The following CACNA2D3 variants were observed in gnomAD, a reference collection of about 807,000 sequenced individuals.
CACNA2D3 encodes the protein calcium voltage-gated channel auxiliary subunit alpha2delta 3.
Under a neutral mutation model 160.6 loss-of-function variants are expected in CACNA2D3, and 60 were observed. The observed-to-expected ratio is 0.37, with a 90% confidence interval of 0.30 to 0.46. CACNA2D3 has a LOEUF of 0.46. CACNA2D3 is among the 20% of genes least tolerant of loss of function. The pLI is 1.00. For missense variants in CACNA2D3, 1,205 were observed against 1,365.0 expected (o/e 0.88, Z 1.85); for synonymous variants, 558 against 492.9 (o/e 1.13, Z -1.75).
intron 11 of CACNA2D3, among the ~76,000 whole-genome samples, chr3:54,728,257 T>C (rs1181675360): frequency 6.6e-6 from 1 of 152,172 alleles, no homozygotes. Context: ...TATTTTTTGC[T>C]TCTTCTTTGT....
chr3:54,227,222 A>G (rs913444006), intron 2 of CACNA2D3, among the ~76,000 whole-genome samples: 10 of 152,104 alleles, frequency 6.6e-5, no homozygotes, highest in Non-Finnish European at 1.2e-4. Flanking sequence ...TGTAGGGGCT[A>G]TGTTTTCACG....
At chr3:54,551,503 C>T (rs1359479489) in intron 5 of CACNA2D3, among the ~76,000 whole-genome samples, 1 of 152,088 alleles carries the variant, frequency 6.6e-6, no homozygotes, top group Non-Finnish European at 1.5e-5. Context: ...AGGGAACAAT[C>T]AGACGATGTA....
In CACNA2D3 at chr3:54,807,145, C is replaced by G. The variant is rs575980922; in HGVS notation, c.1381-9708C>G. Among the ~76,000 whole-genome samples, 19 of 152,276 alleles carry G rather than the reference C, an allele frequency of 1.2e-4. No individual in the cohort carries two copies. The East Asian group carries it at 3.7e-3, about 29-fold the overall frequency. On this transcript the variant is annotated intron_variant, in intron 13 of 37. Transcript: ENST00000474759. ...TTACCATTCAGGACATAGGCATGGG[C>G]AAGGACTTCATGTCTAAGACACCAA... is the stretch of plus-strand genomic sequence containing the variant.
At chr3:54,850,642 A>T (rs930352280) in intron 17 of CACNA2D3, among the ~76,000 whole-genome samples, 6 of 152,194 alleles carry the variant, frequency 3.9e-5, no homozygotes, top group Non-Finnish European at 8.8e-5. Context: ...GAGGTCTGGA[A>T]TGTGGACCTG....
At chr3:54,273,589 G>T (rs530417500) in intron 2 of CACNA2D3, among the ~76,000 whole-genome samples, 1 of 152,114 alleles carries the variant, frequency 6.6e-6, no homozygotes, top group Non-Finnish European at 1.5e-5. Flanking sequence ...AGACTTAGAC[G>T]CTGTCTGAAG....
rs150989833 is a variant in CACNA2D3 at position 54,511,952 on chromosome 3, C to G, written c.544+8298C>G. Among the ~76,000 whole-genome samples the G allele has an allele frequency of 7.6e-3, 1,153 of 152,314 alleles. 11 individuals carry two copies. Among genetic ancestry groups the G allele is most frequent in the African/African-American group, 0.025 (1,048 of 41,566 alleles). On this transcript the variant is annotated intron_variant, in intron 5 of 37. Transcript: ENST00000474759. ...AGCACCGTGAAAATTGCAGCAGCAA[C>G]TGTTGCAGCCTGTGGTGGCAGTCAA...
chr3:54,963,907 C>A (rs1452892169), intron 27 of CACNA2D3, among the ~76,000 whole-genome samples: 2 of 152,154 alleles, frequency 1.3e-5, no homozygotes, highest in African/African-American at 4.8e-5. Flanking sequence ...AAGAGGAAGT[C>A]TGGAAGGAAG....
chr3:55,011,663 T>TA (rs1703214294), intron 34 of CACNA2D3, among the ~76,000 whole-genome samples: 1 of 151,916 alleles, frequency 6.6e-6, no homozygotes, highest in South Asian at 2.1e-4. Context: ...AGGAAGGAGA[T>TA]ATGGAGCTAA....
intron 4 of CACNA2D3, among the ~76,000 whole-genome samples, chr3:54,410,074 G>T (rs535482983): frequency 6.6e-6 from 1 of 152,258 alleles, no homozygotes; most frequent in African/African-American, 2.4e-5. Flanking sequence ...AAGTCGGCTG[G>T]GTGTGGTGGC....
intron 9 of CACNA2D3, among the ~76,000 whole-genome samples, chr3:54,590,689 C>T (rs1352857343): frequency 1.3e-5 from 2 of 151,934 alleles, no homozygotes; most frequent in Non-Finnish European, 2.9e-5. Flanking sequence ...TCAAGTGATC[C>T]TGCTGTCTCC....
At chr3:54,561,082 AT>A (rs1256996021) in intron 5 of CACNA2D3, among the ~76,000 whole-genome samples, 1 of 152,206 alleles carries the variant, frequency 6.6e-6, no homozygotes, top group African/African-American at 2.4e-5. Context: ...TTTCATATGA[AT>A]TTAAAAATAG....
At chr3:55,068,809 C>T (rs1291188906) in intron 35 of CACNA2D3, among the ~76,000 whole-genome samples, 3 of 152,090 alleles carry the variant, frequency 2.0e-5, no homozygotes, top group Non-Finnish European at 4.4e-5. Context: ...GTGAACGTTG[C>T]TACCAAGAGC....
intron 27 of CACNA2D3, among the ~76,000 whole-genome samples, chr3:54,936,038 C>T (rs976375737): frequency 6.6e-6 from 1 of 152,126 alleles, no homozygotes; most frequent in Admixed American, 6.5e-5. Context: ...CCAACATTTA[C>T]TGGCTGTGTG....
chr3:54,262,977 G>A (rs962780122), intron 2 of CACNA2D3, among the ~76,000 whole-genome samples: 3 of 152,100 alleles, frequency 2.0e-5, no homozygotes, highest in South Asian at 2.1e-4. Flanking sequence ...GGCTCTTGTT[G>A]ATTCCCCTCC....
chr3:54,588,365 C>T (rs575924214), intron 9 of CACNA2D3, among the ~76,000 whole-genome samples: 2 of 152,162 alleles, frequency 1.3e-5, no homozygotes, highest in African/African-American at 2.4e-5. Context: ...TAACATCAAA[C>T]TTAACAGGGA....
In CACNA2D3 at chr3:54,401,923, A is replaced by G. The variant is rs537318347; in HGVS notation, c.381+15149A>G. On this transcript the variant is annotated intron_variant, in intron 4 of 37. Coordinates refer to ENST00000474759, the MANE Select transcript of CACNA2D3 (RefSeq NM_018398.3). The stretch of plus-strand genomic sequence containing the variant: ...GTCAAAAGTCAAAACAGTCAAAAAT[A>G]ATGATAGCTACCATTAATTAAGAAA... Among the ~76,000 whole-genome samples the G allele has an allele frequency of 2.6e-5, 4 of 152,340 alleles. No individual in the cohort carries two copies. The East Asian group carries it at 7.7e-4, about 29-fold the overall frequency.
rs142158244 is a variant in CACNA2D3, at chr3:54,571,365, G to A, written c.888+1261G>A. Among the ~76,000 whole-genome samples, 1,248 of 152,188 alleles carry A rather than the reference G, an allele frequency of 8.2e-3. 21 individuals carry two copies. The highest frequency in any genetic ancestry group is 0.028 in the African/African-American group (1,178 of 41,510). On this transcript the variant is annotated intron_variant, in intron 8 of 37. Transcript: ENST00000474759. The stretch of plus-strand genomic sequence containing the variant: ...ATGTTCGACCCCCATTTCCCATCAC[G>A]GCCTGAAACAGTCTCTCAGATTAAA...
At chr3:54,463,645 A>T (rs973496018) in intron 4 of CACNA2D3, among the ~76,000 whole-genome samples, 3 of 151,910 alleles carry the variant, frequency 2.0e-5, no homozygotes, top group African/African-American at 4.8e-5. Flanking sequence ...GCACTTCTCT[A>T]TTGGTTATTC....
At chr3:54,716,954 G>A (rs1028831273) in intron 11 of CACNA2D3, among the ~76,000 whole-genome samples, 1 of 150,042 alleles carries the variant, frequency 6.7e-6, no homozygotes, top group Non-Finnish European at 1.5e-5. Flanking sequence ...TTAAATCATA[G>A]CGTCAAGACA....
Sources: allele counts gnomAD v4.1 joint callset (sites outside exome capture counted in the v4.1 genomes callset), GRCh38; gene constraint gnomAD v4.1.1; transcripts MANE v1.5; gene names NCBI Gene and HGNC (gene_info 2026-07-23, HGNC 2026-07-21).